The following SYT6 variants were observed in gnomAD, a reference collection of about 807,000 sequenced individuals.
SYT6 encodes the protein synaptotagmin-6.
SYT6 carries 24 observed loss-of-function variants against 38.4 expected under a neutral mutation model. The ratio of observed to expected loss-of-function variants is 0.62; its 90% CI spans 0.45 to 0.88. The LOEUF is 0.88. SYT6 is among the 40% of genes least tolerant of loss of function. SYT6 has a pLI of 0.00. For synonymous variants in SYT6, 265 were observed against 241.9 expected (o/e 1.10, Z -0.89); for missense variants, 611 against 621.0 (o/e 0.98, Z 0.17).
intron 3 of SYT6, among the ~76,000 whole-genome samples, chr1:114,136,329 CCCT>C (rs1457462685): frequency 1.3e-5 from 2 of 152,140 alleles, no homozygotes; most frequent in Non-Finnish European, 2.9e-5. Flanking sequence ...GTGGGGTTGC[CCCT>C]CCTCAGAGAT....
intron 1 of SYT6, among the ~76,000 whole-genome samples, chr1:114,144,103 C>T (rs1306685417): frequency 6.6e-6 from 1 of 152,166 alleles, no homozygotes. Flanking sequence ...TTAAGAAATT[C>T]CATCATCATC....
intron 3 of SYT6, among the ~76,000 whole-genome samples, chr1:114,124,318 G>T (rs549733269): frequency 6.6e-6 from 1 of 152,202 alleles, no homozygotes; most frequent in African/African-American, 2.4e-5. Flanking sequence ...TAGAAATCTT[G>T]TTGGGTTTTA....
chr1:114,153,787 G>A lies in SYT6; in HGVS notation c.-15C>T. The A allele has an allele frequency of 1.5e-6, 1 of 653,568 alleles. No individual in the cohort carries two copies. The allele number at this position is 653,568 out of a possible 1,614,324, so 40.5% of individuals were successfully genotyped here. On this transcript the variant is annotated 5_prime_UTR_variant, in exon 1 of 8. Coordinates refer to ENST00000610222, the MANE Select transcript of SYT6 (RefSeq NM_001253772.2). The stretch of plus-strand genomic sequence containing the variant: ...ACTCCGCTCATGCCCTAGACACCCA[G>A]GCTTGCCGAGCAGCAGCTCGAACCC...
At chr1:114,132,258 T>TG (rs1292178236) in intron 3 of SYT6, among the ~76,000 whole-genome samples, 1 of 152,152 alleles carries the variant, frequency 6.6e-6, no homozygotes, top group Non-Finnish European at 1.5e-5. Flanking sequence ...CATAGGAATG[T>TG]GGCTCATGGG....
chr1:114,122,995 CG>C (rs1677512669), intron 3 of SYT6, among the ~76,000 whole-genome samples: 2 of 152,352 alleles, frequency 1.3e-5, no homozygotes, highest in South Asian at 4.1e-4. Context: ...TCCTTTTCTC[CG>C]GGGCCCGCGA....
At chr1:114,131,189 G>C (rs1678123376) in intron 3 of SYT6, among the ~76,000 whole-genome samples, 1 of 152,170 alleles carries the variant, frequency 6.6e-6, no homozygotes, top group Admixed American at 6.5e-5. Context: ...GGCAGGACTG[G>C]AGTTGAAGTC....
At chr1:114,095,589 A>G (rs1675584233) in intron 6 of SYT6, among the ~76,000 whole-genome samples, 1 of 152,204 alleles carries the variant, frequency 6.6e-6, no homozygotes, top group Admixed American at 6.5e-5. Context: ...TTCCTAGAAA[A>G]GCAAAGATGG....
rs1557734954 is a variant in SYT6 at position 114,103,725 on chromosome 1, CAAAG to C, written c.1072-8_1072-5del. Reference sequence around the variant, plus strand: ...TCTCTCCCAAGTCCACGCTTTCCTGCAAAGAAGCACACAAGAGGGCAGATGAGGG... The same window carrying C: ...TCTCTCCCAAGTCCACGCTTTCCTGCAAGCACACAAGAGGGCAGATGAGGG... On this transcript the variant is annotated splice_polypyrimidine_tract_variant and splice_region_variant and intron_variant, in intron 3 of 7. Transcript: ENST00000610222. The C allele has an allele frequency of 6.2e-7, 1 of 1,612,636 alleles. No individual in the cohort carries two copies. Among genetic ancestry groups the C allele is most frequent in the South Asian group, 1.1e-5 (1 of 90,660 alleles).
intron 3 of SYT6, among the ~76,000 whole-genome samples, chr1:114,127,489 G>A (rs891688240): frequency 2.0e-5 from 3 of 152,064 alleles, no homozygotes; most frequent in Non-Finnish European, 4.4e-5. Context: ...ACCTGGGGCT[G>A]GACACAGTGA....
rs897122396 is a variant in SYT6, at chr1:114,119,624, C to A, written c.1072-15903G>T. 7.9e-5 allele frequency among the ~76,000 whole-genome samples: 12 copies of A among 152,308 alleles called. No homozygotes were observed. In the South Asian group the frequency reaches 8.3e-4, roughly 11 times the overall value. On this transcript the variant is annotated intron_variant, in intron 3 of 7. Transcript: ENST00000610222. ...TGGGGAGATATGGCTTGAACCCAGG[C>A]AGCCAGACCCCAGGGTCTACCTCAG...
At chr1:114,121,388 T>C (rs1677391137) in intron 3 of SYT6, among the ~76,000 whole-genome samples, 1 of 152,240 alleles carries the variant, frequency 6.6e-6, no homozygotes, top group South Asian at 2.1e-4. Context: ...AATGCCTTAA[T>C]CCTGAACATT....
rs530582295 is a variant in SYT6, at chr1:114,143,883, C to G, written c.164-3920G>C. On this transcript the variant is annotated intron_variant, in intron 1 of 7. Transcript: ENST00000610222. ...AGGGGTATGCCCCTATGAGGGATGC[C>G]CCTCTTTGTGAGAAATTATTAAGCA... Among the ~76,000 whole-genome samples the G allele has an allele frequency of 1.7e-3, 263 of 151,942 alleles. 1 individual carries two copies. The highest frequency in any genetic ancestry group is 6.0e-3 in the African/African-American group (250 of 41,416).
At chr1:114,103,949 C>G (rs1335525016) in intron 3 of SYT6, among the ~76,000 whole-genome samples, 7 of 152,358 alleles carry the variant, frequency 4.6e-5, no homozygotes, top group Admixed American at 4.6e-4. Flanking sequence ...AATATTCCCT[C>G]TCAATGTCAA....
At chr1:114,146,873 G>A (rs1233187389) in intron 1 of SYT6, among the ~76,000 whole-genome samples, 2 of 152,168 alleles carry the variant, frequency 1.3e-5, no homozygotes, top group Non-Finnish European at 2.9e-5. Context: ...GGTAATAATA[G>A]TATCTACCTT....
At position 114,137,793 on chromosome 1, in the gene SYT6, G is replaced by T. The variant is rs767566347; in HGVS notation, c.773C>A (p.Ala258Asp). 2 of 1,614,090 alleles carry T rather than the reference G, an allele frequency of 1.2e-6. No individual in the cohort carries two copies. The highest frequency in any genetic ancestry group is 1.7e-6 in the Non-Finnish European group (2 of 1,180,022). Reference protein sequence around the residue: ...VRILKAFDLPAKDFCGSSDPY... With the variant: ...VRILKAFDLPDKDFCGSSDPY... Reference sequence around the variant, plus strand: ...GTCAGAGCTTCCACAAAAGTCCTTGGCAGGGAGGTCAAAAGCCTTCAGGAT... The same window carrying T: ...GTCAGAGCTTCCACAAAAGTCCTTGTCAGGGAGGTCAAAAGCCTTCAGGAT... The change falls in exon 3 of 8, where the codon GCC becomes GAC. Residue 258 changes from alanine to aspartate, a missense_variant. Transcript: ENST00000610222.
intron 3 of SYT6, among the ~76,000 whole-genome samples, chr1:114,116,631 T>A (rs1677014950): frequency 6.6e-6 from 1 of 152,122 alleles, no homozygotes; most frequent in African/African-American, 2.4e-5. Context: ...TGCGGGATAT[T>A]TAAGGATCAG....
chr1:114,096,251 G>A (rs1459718622), intron 6 of SYT6, among the ~76,000 whole-genome samples: 4 of 152,082 alleles, frequency 2.6e-5, no homozygotes, highest in Non-Finnish European at 5.9e-5. Flanking sequence ...ACACTCTGCA[G>A]AAAGGTCTTT....
chr1:114,147,622 C>T (rs562089711), intron 1 of SYT6, among the ~76,000 whole-genome samples: 4 of 152,326 alleles, frequency 2.6e-5, no homozygotes, highest in African/African-American at 9.6e-5. Context: ...TGCTCAGACA[C>T]AGGATGGACA....
At chr1:114,149,228 T>TGTGTGTGTGTGTGTGCGCGCATGTGA (rs1553185746) in intron 1 of SYT6, among the ~76,000 whole-genome samples, 2 of 149,746 alleles carry the variant, frequency 1.3e-5, no homozygotes, top group Admixed American at 6.7e-5. Flanking sequence ...TGTGTGTGTG[T>TGTGTGTGTGTGTGTGCGCGCATGTGA]GTGTGTGTGT....
Sources: gnomAD v4.1 joint callset for allele counts (sites outside exome capture counted in the v4.1 genomes callset) on GRCh38, gnomAD v4.1.1 for gene constraint, MANE v1.5 for transcripts, NCBI Gene and HGNC (gene_info 2026-07-23, HGNC 2026-07-21) for gene names.